OPCML: variants seen among roughly 807,000 people sequenced by gnomAD.
OPCML encodes the protein opioid-binding protein/cell adhesion molecule.
Under a neutral mutation model 37.8 loss-of-function variants are expected in OPCML, and 13 were observed. That is an observed-to-expected ratio of 0.34 (90% confidence interval 0.22 to 0.55). The LOEUF is 0.55. Ranked by LOEUF, OPCML falls within the 20% of genes least tolerant of loss-of-function variation. The pLI is 0.91. For synonymous variants in OPCML, 176 were observed against 168.8 expected (o/e 1.04, Z -0.33); for missense variants, 341 against 435.6 (o/e 0.78, Z 1.93).
At chr11:133,456,695 A>ATCTTTGTTG (rs1338236259) in intron 1 of OPCML, among the ~76,000 whole-genome samples, 2 of 152,048 alleles carry the variant, frequency 1.3e-5, no homozygotes, top group Admixed American at 6.6e-5. Context: ...ATATATGAAC[A>ATCTTTGTTG]AAATAATAAT....
At chr11:132,654,700 AAAG>A (rs925555083) in intron 3 of OPCML, among the ~76,000 whole-genome samples, 1 of 151,438 alleles carries the variant, frequency 6.6e-6, no homozygotes, top group Admixed American at 6.6e-5. Context: ...GTCATCCCCA[AAAG>A]AAGATCTTCC....
intron 1 of OPCML, among the ~76,000 whole-genome samples, chr11:133,223,602 C>T (rs561321704): frequency 1.3e-5 from 2 of 152,226 alleles, no homozygotes; most frequent in South Asian, 4.1e-4. Context: ...ATTCCAGTTG[C>T]GGCAGAATCA....
Position 132,870,105 on chromosome 11 carries a change from T to A in OPCML, c.146+72821A>T, listed in dbSNP as rs138336432. On this transcript the variant is annotated intron_variant, in intron 2 of 7. Coordinates refer to ENST00000524381, the MANE Select transcript of OPCML (RefSeq NM_001012393.5). ...ACGTGACCTCATTTCCGCAACTACA[T>A]AACATAGATATTACTAATTCCAGTT... Among the ~76,000 whole-genome samples the A allele has an allele frequency of 4.5e-4, 68 of 152,254 alleles. 1 individual carries two copies. The highest frequency in any genetic ancestry group is 1.3e-3 in the African/African-American group (56 of 41,530).
chr11:132,676,983 A>G (rs1942739683), intron 2 of OPCML, among the ~76,000 whole-genome samples: 1 of 152,064 alleles, frequency 6.6e-6, no homozygotes, highest in African/African-American at 2.4e-5. Flanking sequence ...TGATATAATC[A>G]TCTATGTAGA....
intron 3 of OPCML, among the ~76,000 whole-genome samples, chr11:132,531,385 T>C (rs930006358): frequency 2.6e-5 from 4 of 152,202 alleles, no homozygotes; most frequent in Admixed American, 2.0e-4. Flanking sequence ...TAATTGTGAA[T>C]TATTAATTAC....
At chr11:133,034,880 T>G (rs1470678460) in intron 1 of OPCML, among the ~76,000 whole-genome samples, 1 of 147,670 alleles carries the variant, frequency 6.8e-6, no homozygotes, top group Non-Finnish European at 1.5e-5. Context: ...CCCTCATCCA[T>G]GCTCTAATAG....
At chr11:132,958,600 C>T (rs543135327) in intron 1 of OPCML, among the ~76,000 whole-genome samples, 4 of 152,310 alleles carry the variant, frequency 2.6e-5, no homozygotes, top group Non-Finnish European at 4.4e-5. Context: ...TAAGGACAGG[C>T]TGACTCTCCG....
intron 4 of OPCML, among the ~76,000 whole-genome samples, chr11:132,521,136 G>A (rs116371573): frequency 0.023 from 3,428 of 152,212 alleles, 110 homozygotes; most frequent in African/African-American, 0.07. Flanking sequence ...GATCTGTGAT[G>A]ATGAGCTTTT....
At chr11:133,005,828 G>A (rs1947099881) in intron 1 of OPCML, 1 of 985,360 alleles carries the variant, frequency 1.0e-6, no homozygotes, top group African/African-American at 1.7e-5. Context: ...GGGGGAAAGA[G>A]GCTGCTCTTT....
intron 3 of OPCML, among the ~76,000 whole-genome samples, chr11:132,626,299 C>A (rs61274469): frequency 0.043 from 6,602 of 151,846 alleles, 462 homozygotes; most frequent in East Asian, 0.29. Flanking sequence ...GTGTTGCAGG[C>A]ATGGACCTGA....
At chr11:133,036,379 G>C (rs1947784373) in intron 1 of OPCML, among the ~76,000 whole-genome samples, 1 of 152,186 alleles carries the variant, frequency 6.6e-6, no homozygotes, top group South Asian at 2.1e-4. Context: ...ATTCTCCACG[G>C]TCTAGTGAGA....
intron 1 of OPCML, among the ~76,000 whole-genome samples, chr11:133,034,231 G>A (rs1947727000): frequency 6.6e-6 from 1 of 151,696 alleles, no homozygotes; most frequent in Non-Finnish European, 1.5e-5. Flanking sequence ...TGGGGCAGTA[G>A]ATCCCAACCA....
In OPCML at chr11:133,003,706, TAA is replaced by T. The variant is rs368308491; in HGVS notation, c.62-60698_62-60697del. The T allele has an allele frequency of 1.0e-4, 99 of 985,408 alleles. No homozygotes were observed. The East Asian group carries it at 9.5e-3, about 95-fold the overall frequency. 61.0% of individuals were successfully genotyped at this position (985,408 alleles called of 1,614,324 possible). A position where few individuals can be genotyped will look rare whatever the true frequency, so the allele number is the denominator to read the frequency against. ...CATTCTATTGCTTCCGGTAATGAAT[TAA>T]AGTCCCTACTTCTTGAATATCTGAC... On this transcript the variant is annotated intron_variant, in intron 1 of 7. Coordinates refer to ENST00000524381, the MANE Select transcript of OPCML (RefSeq NM_001012393.5).
intron 1 of OPCML, among the ~76,000 whole-genome samples, chr11:132,991,118 G>A (rs1274025022): frequency 6.6e-6 from 1 of 152,110 alleles, no homozygotes; most frequent in African/African-American, 2.4e-5. Flanking sequence ...ACAGCAATTC[G>A]CACTGGACAC....
intron 2 of OPCML, among the ~76,000 whole-genome samples, chr11:132,663,926 G>T (rs186464544): frequency 6.6e-6 from 1 of 152,028 alleles, no homozygotes; most frequent in Non-Finnish European, 1.5e-5. Flanking sequence ...TCCGCCTCCC[G>T]GGTTCACGCC....
intron 1 of OPCML, among the ~76,000 whole-genome samples, chr11:133,077,895 T>C (rs2137023478): frequency 6.6e-6 from 1 of 152,262 alleles, no homozygotes; most frequent in East Asian, 1.9e-4. Flanking sequence ...TACAAGCACT[T>C]CACACATAAT....
rs899749385 is a variant in OPCML at position 132,429,937 on chromosome 11, A to T, written c.916+6149T>A. The stretch of plus-strand genomic sequence containing the variant: ...TAGGGCAGGTGCCGGAGGAGCTAGA[A>T]GCAGACTGAGGAAGGTAAGGAGACA... On this transcript the variant is annotated intron_variant, in intron 7 of 7. Coordinates refer to ENST00000524381, the MANE Select transcript of OPCML (RefSeq NM_001012393.5). 3.9e-5 allele frequency among the ~76,000 whole-genome samples: 6 copies of T among 152,246 alleles called. No homozygotes were observed. The East Asian group carries it at 1.2e-3, about 29-fold the overall frequency.
chr11:133,483,287 T>A (rs1947417660), intron 1 of OPCML, among the ~76,000 whole-genome samples: 2 of 151,024 alleles, frequency 1.3e-5, no homozygotes, highest in South Asian at 4.2e-4. Context: ...TAGTTGGAAA[T>A]GCGCACTAGA....
intron 2 of OPCML, among the ~76,000 whole-genome samples, chr11:132,796,407 G>A (rs981989076): frequency 6.6e-6 from 1 of 151,884 alleles, no homozygotes; most frequent in Admixed American, 6.6e-5. Flanking sequence ...AATATACCTG[G>A]ACACAGAATT....
Sources: allele counts gnomAD v4.1 joint callset (sites outside exome capture counted in the v4.1 genomes callset), GRCh38; gene constraint gnomAD v4.1.1; transcripts MANE v1.5; gene names NCBI Gene and HGNC (gene_info 2026-07-23, HGNC 2026-07-21).